ACACA: variants seen among roughly 807,000 people sequenced by gnomAD.
The protein encoded by ACACA is acetyl-CoA carboxylase alpha, also known as acetyl-CoA carboxylase 1.
A neutral mutation model predicts 296.1 loss-of-function variants in ACACA; 103 were observed. The observed-to-expected ratio is 0.35, with a 90% CI of 0.30 to 0.41. The LOEUF is 0.41. ACACA is among the 10% of genes least tolerant of loss of function. The pLI is 1.00. For synonymous variants in ACACA, 953 were observed against 1,038.6 expected (o/e 0.92, Z 1.58); for missense variants, 1,554 against 2,989.7 (o/e 0.52, Z 11.20).
At chr17:37,161,402 G>C (rs1375077902) in intron 42 of ACACA, among the ~76,000 whole-genome samples, 1 of 152,148 alleles carries the variant, frequency 6.6e-6, no homozygotes, top group Non-Finnish European at 1.5e-5. Context: ...AGGTGAACAA[G>C]GAGGTTGGAG....
intron 1 of ACACA, chr17:37,391,690 C>T (rs2050893340): frequency 6.2e-7 from 1 of 1,613,776 alleles, no homozygotes; most frequent in Admixed American, 1.7e-5. Flanking sequence ...AAGAAAGCTG[C>T]AGAGATCACT....
At chr17:37,246,716 A>C in intron 19 of ACACA, 110 bp downstream of exon 19, 2 of 1,416,790 alleles carry the variant, frequency 1.4e-6, no homozygotes, top group Non-Finnish European at 2.0e-6. Context: ...TACAGGCACA[A>C]GCCACTGTGC....
intron 43 of ACACA, among the ~76,000 whole-genome samples, chr17:37,151,699 A>G (rs12951401): frequency 5.3e-5 from 8 of 152,040 alleles, no homozygotes; most frequent in Admixed American, 1.3e-4. Context: ...GTCTCGCTCT[A>G]TTGGCAGGCT....
At chr17:37,240,381 G>A in intron 24 of ACACA, 95 bp downstream of exon 24, 1 of 1,028,958 alleles carries the variant, frequency 9.7e-7, no homozygotes, top group South Asian at 1.3e-5. Flanking sequence ...TTGACAGGAG[G>A]GGGCTTAGCT....
chr17:37,347,268 C>T (rs1011561783), intron 1 of ACACA, among the ~76,000 whole-genome samples: 5 of 152,150 alleles, frequency 3.3e-5, no homozygotes, highest in Non-Finnish European at 5.9e-5. Flanking sequence ...CCTTGCCTTC[C>T]GCCATGATTG....
At chr17:37,141,235 T>A (rs989717267) in intron 45 of ACACA, 2 of 587,102 alleles carry the variant, frequency 3.4e-6, no homozygotes, top group Non-Finnish European at 6.4e-6. Flanking sequence ...GGAGAAGAGA[T>A]AGATCTCCTC....
At chr17:37,295,134 C>G (rs2083266343) in intron 3 of ACACA, among the ~76,000 whole-genome samples, 1 of 152,154 alleles carries the variant, frequency 6.6e-6, no homozygotes, top group African/African-American at 2.4e-5. Context: ...CAAATGCCAG[C>G]TCGCCCCAAG....
chr17:37,390,264 TATATATA>T (rs562554232), intron 1 of ACACA, among the ~76,000 whole-genome samples: 10 of 65,674 alleles, frequency 1.5e-4, no homozygotes, highest in Non-Finnish European at 2.5e-4. Flanking sequence ...TATATATAAT[TATATATA>T]ATATATTATA....
intron 30 of ACACA, among the ~76,000 whole-genome samples, chr17:37,209,883 T>C (rs532933050): frequency 1.4e-4 from 22 of 152,134 alleles, no homozygotes; most frequent in Non-Finnish European, 2.8e-4. Context: ...CCTGGAAACC[T>C]CCACACAGGG....
chr17:37,353,538 C>G (rs921306785), intron 1 of ACACA, among the ~76,000 whole-genome samples: 14 of 142,228 alleles, frequency 9.8e-5, no homozygotes, highest in African/African-American at 3.1e-4. Context: ...AATCAGGAGG[C>G]TGAGGCAGGA....
rs1173883631 is a variant in ACACA, at chr17:37,173,982, TTATATATATATATATATA to T, written c.5079+5260_5079+5277del. 4.2e-3 allele frequency among the ~76,000 whole-genome samples: 81 copies of T among 19,444 alleles called. 8 individuals carry two copies. The highest frequency in any genetic ancestry group is 0.04 in the South Asian group (20 of 500). The allele number at this position is 19,444 out of a possible 152,430, so 12.8% of individuals were successfully genotyped here. ...GCGCCTGCCAACACGCCTGGCTAAT[TTATATATATATATATATA>T]TATATATATATATATATATATTTTT... On this transcript the variant is annotated intron_variant, in intron 41 of 55. Coordinates refer to ENST00000616317, the MANE Select transcript of ACACA (RefSeq NM_198834.3).
At position 37,384,458 on chromosome 17, in the gene ACACA, G is replaced by A. The variant is rs144644307; in HGVS notation, c.38+21804C>T. Among the ~76,000 whole-genome samples the A allele has an allele frequency of 2.1e-3, 315 of 152,054 alleles. 1 individual carries two copies. The highest frequency in any genetic ancestry group is 7.3e-3 in the African/African-American group (303 of 41,502). Reference sequence around the variant, plus strand: ...ATCATAATATCATTCAGTTTGCAAAGTGTTTACACACATGCTTTCTCATTT... The same window carrying A: ...ATCATAATATCATTCAGTTTGCAAAATGTTTACACACATGCTTTCTCATTT... On this transcript the variant is annotated intron_variant, in intron 1 of 55. Transcript: ENST00000616317.
At chr17:37,339,992 C>A in intron 1 of ACACA, 142 bp from the exon 2 acceptor site, 1 of 529,588 alleles carries the variant, frequency 1.9e-6, no homozygotes, top group Non-Finnish European at 3.3e-6. Flanking sequence ...TAACTTAAAG[C>A]ACAAAGTTTA....
chr17:37,330,800 G>A (rs1270130851), intron 2 of ACACA, among the ~76,000 whole-genome samples: 2 of 152,118 alleles, frequency 1.3e-5, no homozygotes, highest in African/African-American at 4.8e-5. Context: ...TAGTAATGGG[G>A]GAATAAATGG....
chr17:37,215,154 A>C (rs1426305717), intron 29 of ACACA, among the ~76,000 whole-genome samples: 1 of 152,212 alleles, frequency 6.6e-6, no homozygotes, highest in African/African-American at 2.4e-5. Flanking sequence ...ACTTGAGAAA[A>C]GGGAAGTATT....
At chr17:37,264,874 C>T (rs1161009711) in intron 10 of ACACA, among the ~76,000 whole-genome samples, 3 of 152,196 alleles carry the variant, frequency 2.0e-5, no homozygotes, top group Non-Finnish European at 4.4e-5. Flanking sequence ...ATGTTGTTCT[C>T]ATCTGGGCAG....
At chr17:37,087,627 T>C (rs2072298970) in intron 55 of ACACA, among the ~76,000 whole-genome samples, 188 bp from the exon 56 acceptor site, 1 of 152,124 alleles carries the variant, frequency 6.6e-6, no homozygotes, top group African/African-American at 2.4e-5. Flanking sequence ...CCAAAACATT[T>C]TGCTATGTTG....
chr17:37,260,261 TA>T (rs2081393242), intron 11 of ACACA, among the ~76,000 whole-genome samples: 1 of 14,992 alleles, frequency 6.7e-5, no homozygotes, highest in South Asian at 3.0e-3. Context: ...TATATATATA[TA>T]TATATATATA....
At chr17:37,178,102 G>A (rs1184460547) in intron 41 of ACACA, among the ~76,000 whole-genome samples, 3 of 152,054 alleles carry the variant, frequency 2.0e-5, no homozygotes, top group Non-Finnish European at 2.9e-5. Context: ...TATATTTAAG[G>A]TTGAAATAAA....
Sources: gnomAD v4.1 joint callset for allele counts (sites outside exome capture counted in the v4.1 genomes callset) on GRCh38, gnomAD v4.1.1 for gene constraint, MANE v1.5 for transcripts, NCBI Gene and HGNC (gene_info 2026-07-23, HGNC 2026-07-21) for gene names.